Variants in UBE2W observed in about 807,000 individuals in gnomAD.
The protein encoded by UBE2W is ubiquitin conjugating enzyme E2 W.
Under a neutral mutation model 27.2 loss-of-function variants are expected in UBE2W, and 18 were observed. That is an observed-to-expected ratio of 0.66 (90% CI 0.46 to 0.98). The LOEUF (loss-of-function observed/expected upper bound fraction) is 0.98, where lower values mean the gene tolerates loss of function less well. Among genes scored for constraint, UBE2W ranks in the 50% least tolerant of loss-of-function variants. UBE2W has a pLI of 0.00. For synonymous variants in UBE2W, 53 were observed against 57.2 expected (o/e 0.93, Z 0.33); for missense variants, 90 against 180.2 (o/e 0.50, Z 2.87).
At chr8:73,831,126 A>G (rs1810047684) in intron 1 of UBE2W, 27 of 389,248 alleles carry the variant, frequency 6.9e-5, no homozygotes, top group South Asian at 6.6e-4. Context: ...CAGTAAATAC[A>G]TCTATGGCAG....
chr8:73,870,880 G>A (rs1811981956), intron 1 of UBE2W, among the ~76,000 whole-genome samples: 2 of 144,928 alleles, frequency 1.4e-5, no homozygotes, highest in South Asian at 4.4e-4. Context: ...TGTGTGAGAA[G>A]AGCATTCCAA....
chr8:73,821,409 A>C (rs961757169), intron 3 of UBE2W, among the ~76,000 whole-genome samples: 1 of 151,890 alleles, frequency 6.6e-6, no homozygotes, highest in African/African-American at 2.4e-5. Context: ...CTATACAGGG[A>C]CTTGAATGCC....
intron 5 of UBE2W, among the ~76,000 whole-genome samples, chr8:73,803,773 T>C (rs939691974): frequency 6.7e-6 from 1 of 148,326 alleles, no homozygotes; most frequent in Non-Finnish European, 1.5e-5. Context: ...TCTTTTCTTT[T>C]TTTTTTTTTT....
At chr8:73,822,247 G>A (rs1809645165) in intron 3 of UBE2W, among the ~76,000 whole-genome samples, 1 of 152,086 alleles carries the variant, frequency 6.6e-6, no homozygotes, top group Admixed American at 6.5e-5. Context: ...CTCCCCAACA[G>A]CACTTGGGTT....
At position 73,793,492 on chromosome 8, in the gene UBE2W, A is replaced by G; in HGVS notation, c.*610T>C. ...GTCAAAACAACTTGACAGTAGATAT[A>G]AACAATTCAATAAATATGCAATGAT... On this transcript the variant is annotated 3_prime_UTR_variant, in exon 6 of 6. Coordinates refer to ENST00000602593, the MANE Select transcript of UBE2W (RefSeq NM_018299.6). The G allele has an allele frequency of 1.0e-6, 1 of 985,882 alleles. No individual in the cohort carries two copies. The highest frequency in any genetic ancestry group is 1.2e-6 in the Non-Finnish European group (1 of 829,930). The allele number at this position is 985,882 out of a possible 1,614,324, so 61.1% of individuals were successfully genotyped here.
intron 1 of UBE2W, among the ~76,000 whole-genome samples, chr8:73,838,825 T>C (rs1325110889): frequency 6.6e-6 from 1 of 152,210 alleles, no homozygotes; most frequent in Non-Finnish European, 1.5e-5. Flanking sequence ...ATCAGATGTT[T>C]GCACAGGACT....
At chr8:73,814,720 A>AT (rs1809316510) in intron 3 of UBE2W, among the ~76,000 whole-genome samples, 1 of 152,040 alleles carries the variant, frequency 6.6e-6, no homozygotes, top group Non-Finnish European at 1.5e-5. Context: ...GGGTTTTACT[A>AT]TATGTTGGCC....
rs867464287 is a variant in UBE2W at position 73,838,178 on chromosome 8, C to T, written c.16-7706G>A. On this transcript the variant is annotated intron_variant, in intron 1 of 5. Coordinates refer to ENST00000602593, the MANE Select transcript of UBE2W (RefSeq NM_018299.6). ...TGATTACATACTTTCAGAACTGGCTCGGCTTTTCAGTGATTTTATAGTCCA... is the reference window on the plus strand; with the variant it reads ...TGATTACATACTTTCAGAACTGGCTTGGCTTTTCAGTGATTTTATAGTCCA... 2.4e-4 allele frequency among the ~76,000 whole-genome samples: 37 copies of T among 152,272 alleles called. 1 individual carries two copies. The highest frequency in any genetic ancestry group is 6.8e-3 in the Middle Eastern group (2 of 294).
chr8:73,796,061 C>CCAA (rs1554578923), intron 5 of UBE2W: 2 of 65,688 alleles, frequency 3.0e-5, no homozygotes, highest in Non-Finnish European at 5.1e-5. Context: ...ACACCATCTC[C>CCAA]AAAAAAAAAA....
In UBE2W at chr8:73,787,051, G is replaced by T. The variant is rs1054489996; in HGVS notation, c.*7051C>A. 2.0e-6 allele frequency: 2 copies of T among 985,252 alleles called. No individual in the cohort carries two copies. Among genetic ancestry groups the T allele is most frequent in the African/African-American group, 3.5e-5 (2 of 57,232 alleles). 61.0% of individuals were successfully genotyped at this position (985,252 alleles called of 1,614,324 possible). A position where few individuals can be genotyped will look rare whatever the true frequency, so the allele number is the denominator to read the frequency against. On this transcript the variant is annotated 3_prime_UTR_variant, in exon 6 of 6. Coordinates refer to ENST00000602593, the MANE Select transcript of UBE2W (RefSeq NM_018299.6). ...TGAGAAGATATTTCCTACCTTAGTT[G>T]ATAAACTTTCCTTATTATTTCCATA...
At chr8:73,866,968 G>A (rs1811802664) in intron 1 of UBE2W, among the ~76,000 whole-genome samples, 1 of 149,460 alleles carries the variant, frequency 6.7e-6, no homozygotes, top group Non-Finnish European at 1.5e-5. Flanking sequence ...TCACGCCACC[G>A]CACTCCAGCC....
Position 73,790,376 on chromosome 8 carries a change from A to G in UBE2W, c.*3726T>C. On this transcript the variant is annotated 3_prime_UTR_variant, in exon 6 of 6. Transcript: ENST00000602593. ...AAAGACACCTTCTTCACAGACCTCA[A>G]TCATGCACAGGCAGTAACGGCATTA... 2 of 985,444 alleles carry G rather than the reference A, an allele frequency of 2.0e-6. No individual in the cohort carries two copies. Among genetic ancestry groups the G allele is most frequent in the Non-Finnish European group, 2.4e-6 (2 of 829,942 alleles). 61.0% of individuals were successfully genotyped at this position (985,444 alleles called of 1,614,324 possible). A position where few individuals can be genotyped will look rare whatever the true frequency, so the allele number is the denominator to read the frequency against.
Position 73,792,896 on chromosome 8 carries a change from A to C in UBE2W, c.*1206T>G, listed in dbSNP as rs1808260865. ...ACTATATGGCTGTGTGAGACAAATA[A>C]GCAACCATTTGATAGTGACTTTTGC... On this transcript the variant is annotated 3_prime_UTR_variant, in exon 6 of 6. Transcript: ENST00000602593. 1 of 985,792 alleles carries C rather than the reference A, an allele frequency of 1.0e-6. No homozygotes were observed. The highest frequency in any genetic ancestry group is 1.7e-5 in the African/African-American group (1 of 57,354). The allele number at this position is 985,792 out of a possible 1,614,324, so 61.1% of individuals were successfully genotyped here. A position where few individuals can be genotyped will look rare whatever the true frequency, so the allele number is the denominator to read the frequency against.
chr8:73,849,511 T>TA (rs1810978320), intron 1 of UBE2W, among the ~76,000 whole-genome samples: 1 of 9,066 alleles, frequency 1.1e-4, no homozygotes, highest in Non-Finnish European at 4.6e-4. Context: ...AAACTCCATC[T>TA]CAAAAAAAAA....
intron 1 of UBE2W, among the ~76,000 whole-genome samples, chr8:73,835,649 CAGG>C (rs1429988516): frequency 1.3e-5 from 2 of 152,106 alleles, no homozygotes; most frequent in Admixed American, 6.6e-5. Context: ...GAGGCTGAGA[CAGG>C]AGAATTGCTT....
chr8:73,849,965 C>T (rs1811004284), intron 1 of UBE2W, among the ~76,000 whole-genome samples: 1 of 151,984 alleles, frequency 6.6e-6, no homozygotes, highest in Non-Finnish European at 1.5e-5. Flanking sequence ...AGCATAAAAC[C>T]TGTATACACT....
At chr8:73,821,573 G>A (rs1269059878) in intron 3 of UBE2W, among the ~76,000 whole-genome samples, 1 of 128,390 alleles carries the variant, frequency 7.8e-6, no homozygotes, top group Non-Finnish European at 1.6e-5. Flanking sequence ...GGGGGGATGT[G>A]TGTGCATGTC....
intron 1 of UBE2W, among the ~76,000 whole-genome samples, chr8:73,855,115 C>T (rs934666372): frequency 6.6e-6 from 1 of 152,204 alleles, no homozygotes; most frequent in African/African-American, 2.4e-5. Context: ...CTTTGGAGTA[C>T]TTCCAGCATC....
At chr8:73,799,503 C>G (rs1292206490) in intron 5 of UBE2W, among the ~76,000 whole-genome samples, 1 of 152,116 alleles carries the variant, frequency 6.6e-6, no homozygotes, top group Non-Finnish European at 1.5e-5. Context: ...CTTATAAAAC[C>G]AGGAAATGAA....
Sources: gnomAD v4.1 joint callset for allele counts (sites outside exome capture counted in the v4.1 genomes callset) on GRCh38, gnomAD v4.1.1 for gene constraint, MANE v1.5 for transcripts, NCBI Gene and HGNC (gene_info 2026-07-23, HGNC 2026-07-21) for gene names.